LIPE: variants seen among roughly 807,000 people sequenced by gnomAD.
LIPE encodes the protein hormone-sensitive lipase.
Under a neutral mutation model 88.5 loss-of-function variants are expected in LIPE, and 66 were observed. The observed-to-expected ratio is 0.75, with a 90% CI of 0.61 to 0.91. The LOEUF (loss-of-function observed/expected upper bound fraction) is 0.91, where lower values mean the gene tolerates loss of function less well. LIPE is among the 40% of genes least tolerant of loss of function. The probability of loss-of-function intolerance (pLI) is 0.00; values close to 1 mark genes in which losing one functional copy is unlikely to be tolerated. For missense variants in LIPE, 1,346 were observed against 1,434.7 expected (o/e 0.94, Z 1.00); for synonymous variants, 570 against 617.5 (o/e 0.92, Z 1.14).
intron 1 of LIPE, among the ~76,000 whole-genome samples, chr19:42,421,618 G>A (rs960328982): frequency 6.6e-6 from 1 of 152,166 alleles, no homozygotes; most frequent in East Asian, 1.9e-4. Flanking sequence ...GCAGTTGTGC[G>A]TCCACAAACT....
At position 42,402,048 on chromosome 19, in the gene LIPE, C is replaced by T; in HGVS notation, c.2995G>A (p.Asp999Asn). The T allele has an allele frequency of 1.3e-6, 2 of 1,521,468 alleles. No homozygotes were observed. Among genetic ancestry groups the T allele is most frequent in the Non-Finnish European group, 1.8e-6 (2 of 1,133,756 alleles). 94.2% of individuals were successfully genotyped at this position (1,521,468 alleles called of 1,614,324 possible). A position where few individuals can be genotyped will look rare whatever the true frequency, so the allele number is the denominator to read the frequency against. The change falls in exon 10 of 10, where the codon GAC becomes AAC. Residue 999 changes from aspartate to asparagine, a missense_variant. Transcript: ENST00000244289. ...VACALDPMLDDSVMLARRLRN... is the reference protein window; with the variant it reads ...VACALDPMLDNSVMLARRLRN... ...AGTCGCCGCGCGAGCATGACCGAGT[C>T]GTCCAGCATGGGGTCCAGCGCGCAC...
Position 42,401,749 on chromosome 19 carries a change from C to T in LIPE, c.*63G>A, listed in dbSNP as rs1402487409. The T allele has an allele frequency of 5.7e-6, 7 of 1,236,134 alleles. No individual in the cohort carries two copies. The highest frequency in any genetic ancestry group is 7.4e-6 in the Non-Finnish European group (7 of 945,712). 76.6% of individuals were successfully genotyped at this position (1,236,134 alleles called of 1,614,324 possible). A position where few individuals can be genotyped will look rare whatever the true frequency, so the allele number is the denominator to read the frequency against. On this transcript the variant is annotated 3_prime_UTR_variant, in exon 10 of 10. Coordinates refer to ENST00000244289, the MANE Select transcript of LIPE (RefSeq NM_005357.4). Reference sequence around the variant, plus strand: ...ACTTAAGTAAGGCACAGCCCGCGTCCCCTTCCGCCCGGCCCGGAAGGCATT... The same window carrying T: ...ACTTAAGTAAGGCACAGCCCGCGTCTCCTTCCGCCCGGCCCGGAAGGCATT...
Position 42,406,229 on chromosome 19 carries a change from C to G in LIPE, c.2297G>C (p.Arg766Pro). The change falls in exon 7 of 10, where the codon CGC becomes CCC. Residue 766 changes from arginine (R) to proline (P), a missense_variant. Coordinates refer to ENST00000244289, the MANE Select transcript of LIPE (RefSeq NM_005357.4). This position sits in a 1 kb window ranked among gnomAD's most constrained non-coding sequence, Gnocchi z 5.7. ...CAAGGGGTCCATGAGGCTCAGCAGG[C>G]GGGAGGGAGAGGCGGCAGGCTGCAG... ...TMLQPAASPS[R>P]LLSLMDPLLP... The G allele has an allele frequency of 1.2e-6, 2 of 1,613,786 alleles. No homozygotes were observed. The highest frequency in any genetic ancestry group is 8.5e-7 in the Non-Finnish European group (1 of 1,179,866).
Position 42,402,603 on chromosome 19 carries a change from TCAC to T in LIPE, c.2967+1_2967+3del, listed in dbSNP as rs2040018426. The T allele has an allele frequency of 1.4e-6, 2 of 1,478,328 alleles. No homozygotes were observed. Among genetic ancestry groups the T allele is most frequent in the Non-Finnish European group, 1.8e-6 (2 of 1,111,614 alleles). The allele number at this position is 1,478,328 out of a possible 1,614,324, so 91.6% of individuals were successfully genotyped here. A position where few individuals can be genotyped will look rare whatever the true frequency, so the allele number is the denominator to read the frequency against. ...CACCTGTACCGGCCCCCTCTGTCGC[TCAC>T]CACGATGTGCACAGGTGGCAGGCTC... On this transcript the variant is annotated splice_donor_variant and splice_donor_region_variant and intron_variant, in intron 9 of 9. Coordinates refer to ENST00000244289, the MANE Select transcript of LIPE (RefSeq NM_005357.4). LOFTEE classifies it high-confidence loss of function.
In LIPE at chr19:42,407,475, G is replaced by C. The variant is rs755023211; in HGVS notation, c.1843-7C>G. 3.4e-5 allele frequency: 54 copies of C among 1,607,108 alleles called. No homozygotes were observed. The highest frequency in any genetic ancestry group is 4.5e-5 in the Non-Finnish European group (53 of 1,175,136). On this transcript the variant is annotated splice_region_variant and splice_polypyrimidine_tract_variant and intron_variant, in intron 5 of 9. Transcript: ENST00000244289. The surrounding 1 kb of genome is among the most constrained non-coding windows in gnomAD (Gnocchi z 5.8). ...TGCTGAGCTCCTCACTGTCCTGGGG[G>C]TGAGGAGGGAGACGGTGTGTGAGGT...
chr19:42,412,823 G>C (rs558263876), intron 1 of LIPE, among the ~76,000 whole-genome samples: 1 of 152,320 alleles, frequency 6.6e-6, no homozygotes, highest in South Asian at 2.1e-4. Flanking sequence ...CCGCCTCCTA[G>C]TCTGGCCCTG....
chr19:42,408,244 C>T lies in LIPE; in HGVS notation c.1498G>A (p.Glu500Lys), dbSNP rs200315978. The change falls in exon 3 of 10, where the codon GAG becomes AAG. Residue 500 changes from glutamate to lysine, a missense_variant. Transcript: ENST00000244289. This position sits in a 1 kb window ranked among gnomAD's most constrained non-coding sequence, Gnocchi z 4.3. ...GGCTGGGACTCACTGAGGCCTGTCTCGTTGCGTTTGTAGTGCTCCCCGAAG... is the reference window on the plus strand; with the variant it reads ...GGCTGGGACTCACTGAGGCCTGTCTTGTTGCGTTTGTAGTGCTCCCCGAAG... Reference protein sequence around the residue: ...VSFGEHYKRNETGLSVAASSL... With the variant: ...VSFGEHYKRNKTGLSVAASSL... 18 of 1,613,996 alleles carry T rather than the reference C, an allele frequency of 1.1e-5. No homozygotes were observed. The East Asian group carries it at 2.0e-4, about 18-fold the overall frequency.
At chr19:42,405,123 C>T (rs2040127842) in intron 8 of LIPE, among the ~76,000 whole-genome samples, 1 of 152,194 alleles carries the variant, frequency 6.6e-6, no homozygotes. Context: ...CCACCTTGGC[C>T]TCCCAAAGTG....
Position 42,407,178 on chromosome 19 carries a change from G to C in LIPE, c.2133C>G (p.Leu711=), listed in dbSNP as rs1399428765. The stretch of plus-strand genomic sequence containing the variant: ...CTGTGGGGGCCTGAGGCTCACCAAG[G>C]AGGGCGCAGTGCTTGATGGCCCAGC... The part of the protein sequence containing the change: ...AYCWAIKHCA[L]LGSTGERICL... Residue 711 remains leucine, a synonymous_variant, in exon 6 of 10, where the codon CTC becomes CTG. Transcript: ENST00000244289. This position sits in a 1 kb window ranked among gnomAD's most constrained non-coding sequence, Gnocchi z 5.8. The C allele has an allele frequency of 6.7e-7, 1 of 1,501,466 alleles. No individual in the cohort carries two copies. The highest frequency in any genetic ancestry group is 8.9e-7 in the Non-Finnish European group (1 of 1,121,680). The allele number at this position is 1,501,466 out of a possible 1,614,324, so 93.0% of individuals were successfully genotyped here. A position where few individuals can be genotyped will look rare whatever the true frequency, so the allele number is the denominator to read the frequency against.
Position 42,427,263 on chromosome 19 carries a change from T to G in LIPE, c.-114A>C, listed in dbSNP as rs1306602303. 2.1e-6 allele frequency: 3 copies of G among 1,442,778 alleles called. No homozygotes were observed. In the African/African-American group the frequency reaches 4.3e-5, roughly 21 times the overall value. 89.4% of individuals were successfully genotyped at this position (1,442,778 alleles called of 1,614,324 possible). A position where few individuals can be genotyped will look rare whatever the true frequency, so the allele number is the denominator to read the frequency against. ...GATTCCTCATGATGGCACTTCCTCT[T>G]GGGTTTCACTCCATCCTAGCATCAC... is the stretch of plus-strand genomic sequence containing the variant. On this transcript the variant is annotated 5_prime_UTR_variant, in exon 1 of 10. Transcript: ENST00000244289.
At position 42,408,150 on chromosome 19, in the gene LIPE, C is replaced by A; in HGVS notation, c.1511-29G>T. The A allele has an allele frequency of 1.9e-6, 3 of 1,613,968 alleles. No homozygotes were observed. The highest frequency in any genetic ancestry group is 2.5e-6 in the Non-Finnish European group (3 of 1,179,936). On this transcript the variant is annotated intron_variant, in intron 3 of 9. Coordinates refer to ENST00000244289, the MANE Select transcript of LIPE (RefSeq NM_005357.4). This position sits in a 1 kb window ranked among gnomAD's most constrained non-coding sequence, Gnocchi z 4.3. ...GGGGTCAGAAGGGGTGTCAGGGAGC[C>A]CCAGTGGGTCAGGCTGCTTGGGCAG...
chr19:42,415,533 G>T (rs1241053691), intron 1 of LIPE, among the ~76,000 whole-genome samples: 2 of 152,196 alleles, frequency 1.3e-5, no homozygotes, highest in South Asian at 2.1e-4. Context: ...AGTCTTAGCT[G>T]GGCATGGTGG....
In LIPE at chr19:42,407,866, C is replaced by T; in HGVS notation, c.1657-75G>A. On this transcript the variant is annotated intron_variant, in intron 4 of 9. Coordinates refer to ENST00000244289, the MANE Select transcript of LIPE (RefSeq NM_005357.4). The surrounding 1 kb of genome is among the most constrained non-coding windows in gnomAD (Gnocchi z 5.8). The stretch of plus-strand genomic sequence containing the variant: ...TGCCCTTCACCTCTCCCTCTGATCC[C>T]CAGTCTTTCCCCTTGTGTGCCATCC... The T allele has an allele frequency of 6.4e-7, 1 of 1,552,800 alleles. No individual in the cohort carries two copies.
At chr19:42,409,960 ATCCC>A (rs1387887860) in intron 2 of LIPE, among the ~76,000 whole-genome samples, 1 of 152,102 alleles carries the variant, frequency 6.6e-6, no homozygotes, top group African/African-American at 2.4e-5. Flanking sequence ...ATGGCTCCAG[ATCCC>A]TCCCTGAGGG....
In LIPE at chr19:42,409,502, G is replaced by C. The variant is rs180957548; in HGVS notation, c.1419+805C>G. ...ATTGGCGGGTTCTTCTGTTCACTCT[G>C]TACTGGCCAAGTTCCTACTGCATGC... On this transcript the variant is annotated intron_variant, in intron 2 of 9. Transcript: ENST00000244289. 1.2e-3 allele frequency among the ~76,000 whole-genome samples: 176 copies of C among 152,036 alleles called. 2 individuals are homozygous for C. Among genetic ancestry groups the C allele is most frequent in the Middle Eastern group, 6.8e-3 (2 of 292 alleles).
chr19:42,410,417 G>A lies in LIPE; in HGVS notation c.1309C>T (p.Arg437Trp), dbSNP rs755537172. Residue 437 changes from arginine to tryptophan, a missense_variant, in exon 2 of 10, where the codon CGG becomes TGG. Physicochemically the swap from Arg to Trp is moderately radical, Grantham distance 101. Transcript: ENST00000244289. This position sits in a 1 kb window ranked among gnomAD's most constrained non-coding sequence, Gnocchi z 6.1. Reference protein sequence around the residue: ...YYAQRLLVTNRPGVLFFEGDE... With the variant: ...YYAQRLLVTNWPGVLFFEGDE... Reference sequence around the variant, plus strand: ...CCCTCAAAGAAGAGTACCCCCGGCCGATTGGTAACCAGCAGGCGCTGGGCG... The same window carrying A: ...CCCTCAAAGAAGAGTACCCCCGGCCAATTGGTAACCAGCAGGCGCTGGGCG... 8 of 1,614,116 alleles carry A rather than the reference G, an allele frequency of 5.0e-6. No individual in the cohort carries two copies. The East Asian group carries it at 1.1e-4, about 22-fold the overall frequency.
intron 1 of LIPE, chr19:42,411,373 C>G (rs2040371002): frequency 1.0e-6 from 1 of 979,584 alleles, no homozygotes; most frequent in Non-Finnish European, 1.2e-6. Flanking sequence ...GACTCCTTCT[C>G]CTAGATTCCA....
rs919771488 is a variant in LIPE, at chr19:42,413,493, G to A, written c.884-2651C>T. On this transcript the variant is annotated intron_variant, in intron 1 of 9. Transcript: ENST00000244289. ...ATCCTGGCTAACACGGTGAAACCCC[G>A]TCTCTACTAAAAATACAAAAAAATT... is the stretch of plus-strand genomic sequence containing the variant. Among the ~76,000 whole-genome samples the A allele has an allele frequency of 1.2e-4, 19 of 152,228 alleles. No individual in the cohort carries two copies. In the East Asian group the frequency reaches 1.5e-3, roughly 12 times the overall value.
chr19:42,424,738 CA>C (rs2040676781), intron 1 of LIPE: 2 of 400,000 alleles, frequency 5.0e-6, no homozygotes, highest in South Asian at 3.6e-5. Context: ...CCCCCCACAT[CA>C]GGGGACTTCA....
Sources: allele counts gnomAD v4.1 joint callset (sites outside exome capture counted in the v4.1 genomes callset), GRCh38; gene constraint gnomAD v4.1.1; non-coding constraint Gnocchi (gnomAD v3.1); transcripts MANE v1.5; gene names NCBI Gene and HGNC (gene_info 2026-07-23, HGNC 2026-07-21).